KLF8: variants seen among roughly 807,000 people sequenced by gnomAD.
KLF8 encodes Krueppel-like factor 8.
Under a neutral mutation model 18.2 loss-of-function variants are expected in KLF8, and 10 were observed. The observed-to-expected ratio is 0.55, with a 90% confidence interval of 0.34 to 0.93. The LOEUF (loss-of-function observed/expected upper bound fraction) is 0.93. Among genes scored for constraint, KLF8 ranks in the 40% least tolerant of loss-of-function variants. KLF8 has a pLI of 0.02. For missense variants in KLF8, 264 were observed against 277.9 expected, an observed-to-expected ratio of 0.95 and a Z score of 0.36; for synonymous variants, 109 against 97.3, an observed-to-expected ratio of 1.12 and a Z score of -0.71.
chrX:55,942,584 G>T, the KLF8 span, among the ~76,000 whole-genome samples: 1 of 111,517 alleles, frequency 9.0e-6, no homozygotes, highest in Non-Finnish European at 1.9e-5. Flanking sequence ...TGCAGCTTAT[G>T]GTCACTATTA....
chrX:56,283,847 C>T (rs771738442), intron 5 of KLF8, among the ~76,000 whole-genome samples: 1 of 111,616 alleles, frequency 9.0e-6, no homozygotes, highest in Non-Finnish European at 1.9e-5. Flanking sequence ...AAACAGAGAC[C>T]AAGCCAGGGA....
At chrX:56,209,209 C>G in the KLF8 span, among the ~76,000 whole-genome samples, 1 of 112,018 alleles carries the variant, frequency 8.9e-6, no homozygotes, top group South Asian at 3.7e-4. Flanking sequence ...TATATACTTA[C>G]ATTCTTTATC....
chrX:56,141,467 T>C, the KLF8 span, among the ~76,000 whole-genome samples: 1 of 111,616 alleles, frequency 9.0e-6, no homozygotes, highest in Non-Finnish European at 1.9e-5. Context: ...AATTAAAGAT[T>C]ATTTAATTTA....
At chrX:56,161,257 C>T in the KLF8 span, among the ~76,000 whole-genome samples, 1 of 111,856 alleles carries the variant, frequency 8.9e-6, no homozygotes, top group African/African-American at 3.2e-5. Flanking sequence ...GCCGAGAGAT[C>T]TTCTGTTAGT....
At chrX:56,263,620 C>A (rs980511849) in intron 2 of KLF8, among the ~76,000 whole-genome samples, 3 of 111,460 alleles carry the variant, frequency 2.7e-5, no homozygotes, top group Admixed American at 9.6e-5. Context: ...GCCTCCCCTG[C>A]CACTTATTGC....
chrX:56,008,614 G>A, the KLF8 span, among the ~76,000 whole-genome samples: 1 of 112,129 alleles, frequency 8.9e-6, no homozygotes, highest in East Asian at 2.8e-4. Flanking sequence ...CCACTTGGCT[G>A]GGGACTGCCT....
At chrX:55,955,887 T>C in the KLF8 span, among the ~76,000 whole-genome samples, 1 of 111,641 alleles carries the variant, frequency 9.0e-6, no homozygotes, top group South Asian at 3.8e-4. Context: ...TTTATTCCAA[T>C]GAGTTGCCAA....
the KLF8 span, among the ~76,000 whole-genome samples, chrX:56,093,714 AAAT>A: frequency 9.0e-6 from 1 of 111,000 alleles, no homozygotes; most frequent in African/African-American, 3.3e-5. Flanking sequence ...AGTCTGCTCA[AAAT>A]AACAGCAACA....
At chrX:56,108,342 A>T in the KLF8 span, among the ~76,000 whole-genome samples, 4 of 112,036 alleles carry the variant, frequency 3.6e-5, no homozygotes, top group Non-Finnish European at 7.5e-5. Context: ...TGGGCTTTCC[A>T]TAAATACCTT....
chrX:56,087,379 TA>T, the KLF8 span, among the ~76,000 whole-genome samples: 3 of 110,704 alleles, frequency 2.7e-5, no homozygotes, highest in African/African-American at 9.9e-5. Flanking sequence ...GCTTTTCTCA[TA>T]ATAGTGAGTG....
the KLF8 span, among the ~76,000 whole-genome samples, chrX:55,984,432 CATG>C: frequency 9.0e-6 from 1 of 111,627 alleles, no homozygotes; most frequent in Non-Finnish European, 1.9e-5. Context: ...CTGCAAAGGA[CATG>C]ATCTCATTCC....
At chrX:55,933,828 C>T in the KLF8 span, among the ~76,000 whole-genome samples, 1 of 111,794 alleles carries the variant, frequency 8.9e-6, no homozygotes, top group African/African-American at 3.3e-5. Context: ...CCAAGTATAA[C>T]CTGTTTTTAA....
the KLF8 span, among the ~76,000 whole-genome samples, chrX:56,171,526 C>T: frequency 9.0e-6 from 1 of 110,669 alleles, no homozygotes; most frequent in Admixed American, 9.7e-5. Flanking sequence ...CTCCCCCTCC[C>T]TGAACCCCAC....
At chrX:56,216,207 C>G in the KLF8 span, among the ~76,000 whole-genome samples, 5 of 110,338 alleles carry the variant, frequency 4.5e-5, no homozygotes, top group Non-Finnish European at 9.4e-5. Flanking sequence ...TGCTGAAGTC[C>G]TGCACCAGCC....
the KLF8 span, among the ~76,000 whole-genome samples, chrX:55,974,105 T>C: frequency 9.0e-6 from 1 of 111,501 alleles, no homozygotes; most frequent in Admixed American, 9.6e-5. Flanking sequence ...CCACATATTC[T>C]CTTTCGTAAG....
chrX:56,158,043 A>C, the KLF8 span, among the ~76,000 whole-genome samples: 1 of 111,835 alleles, frequency 8.9e-6, no homozygotes, highest in African/African-American at 3.3e-5. Context: ...TAAGTCTTTA[A>C]TCCATCTTGA....
Position 56,286,145 on chromosome X carries a change from C to T in KLF8, c.*1651C>T, listed in dbSNP as rs1397647966. ...CCTGCACGCTTATTCTCCTGGGGAT[C>T]ACATAATTTTATTTATTTATTTTTT... is the stretch of plus-strand genomic sequence containing the variant. On this transcript the variant is annotated 3_prime_UTR_variant, in exon 6 of 6. Coordinates refer to ENST00000468660, the MANE Select transcript of KLF8 (RefSeq NM_007250.5). 10 of 110,544 alleles carry T rather than the reference C, an allele frequency of 9.0e-5. No individual in the cohort carries two copies. The highest frequency in any genetic ancestry group is 3.3e-4 in the African/African-American group (10 of 30,391). 9.1% of individuals were successfully genotyped at this position (110,544 alleles called of 1,213,427 possible). A position where few individuals can be genotyped will look rare whatever the true frequency, so the allele number is the denominator to read the frequency against.
chrX:55,938,239 A>G, the KLF8 span, among the ~76,000 whole-genome samples: 3 of 111,967 alleles, frequency 2.7e-5, no homozygotes, highest in South Asian at 3.7e-4. Flanking sequence ...TAAAGAAAAG[A>G]ATTTTCAACC....
chrX:56,269,194 A>G, intron 3 of KLF8, 184 bp from the exon 4 acceptor site: 1 of 911,456 alleles, frequency 1.1e-6, no homozygotes, highest in Non-Finnish European at 1.4e-6. Context: ...CTGCTATGCA[A>G]AAAAAAAAAA....
Sources: allele counts gnomAD v4.1 joint callset (sites outside exome capture counted in the v4.1 genomes callset), GRCh38; gene constraint gnomAD v4.1.1; transcripts MANE v1.5; gene names NCBI Gene and HGNC (gene_info 2026-07-23, HGNC 2026-07-21).